Variants in CDH13 observed in about 807,000 individuals in gnomAD.
CDH13 encodes the protein cadherin-13.
Under a neutral mutation model 63.8 loss-of-function variants are expected in CDH13, and 24 were observed. The observed-to-expected ratio is 0.38, with a 90% CI of 0.27 to 0.53. The LOEUF is 0.53. Among genes scored for constraint, CDH13 ranks in the 20% least tolerant of loss-of-function variants. The pLI, the probability that CDH13 is intolerant of heterozygous loss-of-function variation, is 0.85. For synonymous variants in CDH13, 503 were observed against 355.3 expected, an observed-to-expected ratio of 1.42 and a Z score of -4.67; for missense variants, 1,049 against 903.1, an observed-to-expected ratio of 1.16 and a Z score of -2.07.
intron 11 of CDH13, among the ~76,000 whole-genome samples, chr16:83,753,010 A>G (rs145478170): frequency 1.2e-4 from 19 of 152,374 alleles, no homozygotes; most frequent in African/African-American, 4.6e-4. Flanking sequence ...ATGTTTCCAG[A>G]GAGCTAAAAT....
intron 4 of CDH13, among the ~76,000 whole-genome samples, chr16:83,145,447 G>A (rs748875628): frequency 6.6e-6 from 1 of 152,180 alleles, no homozygotes; most frequent in East Asian, 1.9e-4. Context: ...AGTGTTCTTG[G>A]CATGTCATGA....
intron 1 of CDH13, among the ~76,000 whole-genome samples, chr16:82,773,983 C>T (rs770434254): frequency 1.3e-5 from 2 of 152,098 alleles, no homozygotes; most frequent in Admixed American, 1.3e-4. Context: ...CAGGGTTTCA[C>T]TATGTTGGCC....
rs1016793457 is a variant in CDH13 at position 83,607,999 on chromosome 16, A to G, written c.1101+5405A>G. ...TTGAATAAGTCATATTTTCACATAA[A>G]TCTCAGGTCATGGGGATTAATAAAC... On this transcript the variant is annotated intron_variant, in intron 8 of 13. Coordinates refer to ENST00000567109, the MANE Select transcript of CDH13 (RefSeq NM_001257.5). 9.2e-5 allele frequency among the ~76,000 whole-genome samples: 14 copies of G among 152,294 alleles called. No homozygotes were observed. The East Asian group carries it at 2.5e-3, about 27-fold the overall frequency.
chr16:83,227,382 G>A (rs958874394), intron 5 of CDH13, among the ~76,000 whole-genome samples: 12 of 152,322 alleles, frequency 7.9e-5, no homozygotes, highest in Admixed American at 5.9e-4. Flanking sequence ...TGATCAGGGG[G>A]CCCTTGTGAA....
At chr16:83,515,769 C>G (rs1268172643) in intron 7 of CDH13, among the ~76,000 whole-genome samples, 1 of 152,124 alleles carries the variant, frequency 6.6e-6, no homozygotes, top group Non-Finnish European at 1.5e-5. Flanking sequence ...ATTTTTAAAA[C>G]ACACCAAGCA....
chr16:83,445,487 C>G (rs1450802014), intron 6 of CDH13, among the ~76,000 whole-genome samples: 2 of 152,252 alleles, frequency 1.3e-5, no homozygotes, highest in East Asian at 3.9e-4. Flanking sequence ...GCTTTATCAC[C>G]TGGCTGCAGG....
At chr16:83,042,419 T>C (rs2151489922) in intron 3 of CDH13, among the ~76,000 whole-genome samples, 1 of 152,318 alleles carries the variant, frequency 6.6e-6, no homozygotes, top group East Asian at 1.9e-4. Context: ...TAATGCCTGA[T>C]GATCTGTCAC....
chr16:83,168,004 C>T (rs1276808017), intron 4 of CDH13, among the ~76,000 whole-genome samples: 2 of 151,914 alleles, frequency 1.3e-5, no homozygotes, highest in African/African-American at 4.8e-5. Flanking sequence ...ACAGTGAATA[C>T]TCACGGACAT....
chr16:83,562,806 A>T (rs957389056), intron 7 of CDH13, among the ~76,000 whole-genome samples: 1 of 152,216 alleles, frequency 6.6e-6, no homozygotes, highest in African/African-American at 2.4e-5. Flanking sequence ...TATAAAACTA[A>T]TAACAAACTT....
chr16:83,636,245 A>T (rs545843484), intron 8 of CDH13, among the ~76,000 whole-genome samples: 1 of 152,376 alleles, frequency 6.6e-6, no homozygotes, highest in African/African-American at 2.4e-5. Flanking sequence ...CACATCAAGT[A>T]GAATGAGTCC....
intron 3 of CDH13, among the ~76,000 whole-genome samples, chr16:83,037,548 G>A (rs530978563): frequency 6.6e-6 from 1 of 152,294 alleles, no homozygotes; most frequent in African/African-American, 2.4e-5. Flanking sequence ...AGATTGTCTA[G>A]CCTGGAGGAT....
At chr16:83,562,927 C>T (rs1358970409) in intron 7 of CDH13, among the ~76,000 whole-genome samples, 3 of 152,302 alleles carry the variant, frequency 2.0e-5, no homozygotes, top group South Asian at 2.1e-4. Context: ...GGACGAGGAC[C>T]TGGATTTTGT....
intron 2 of CDH13, among the ~76,000 whole-genome samples, chr16:82,942,106 A>C (rs888357191): frequency 3.3e-5 from 5 of 152,164 alleles, no homozygotes; most frequent in African/African-American, 1.2e-4. Context: ...CTGTTTAAGA[A>C]ATATTTGCAT....
intron 2 of CDH13, among the ~76,000 whole-genome samples, chr16:82,925,139 C>T (rs2042265499): frequency 6.6e-6 from 1 of 152,122 alleles, no homozygotes; most frequent in African/African-American, 2.4e-5. Flanking sequence ...AAGGGCAGAG[C>T]CAACCAGAGC....
chr16:83,534,115 A>C (rs555214701), intron 7 of CDH13, among the ~76,000 whole-genome samples: 1 of 152,280 alleles, frequency 6.6e-6, no homozygotes, highest in African/African-American at 2.4e-5. Context: ...CCTGTTAAGT[A>C]GTTGCTCCCC....
At chr16:82,865,386 C>G (rs1351326698) in intron 2 of CDH13, among the ~76,000 whole-genome samples, 1 of 152,232 alleles carries the variant, frequency 6.6e-6, no homozygotes, top group Non-Finnish European at 1.5e-5. Flanking sequence ...GCGTGGACAT[C>G]CAGGTGTTTC....
intron 7 of CDH13, among the ~76,000 whole-genome samples, chr16:83,499,924 T>C (rs1427224405): frequency 6.6e-6 from 1 of 152,150 alleles, no homozygotes; most frequent in East Asian, 1.9e-4. Context: ...TGCTTCAGCC[T>C]CCCAAGTAGC....
At chr16:83,267,019 A>G (rs764830116) in intron 5 of CDH13, among the ~76,000 whole-genome samples, 11 of 152,000 alleles carry the variant, frequency 7.2e-5, no homozygotes, top group Non-Finnish European at 1.6e-4. Flanking sequence ...ATCTACTTAA[A>G]CATCGTCATC....
intron 1 of CDH13, among the ~76,000 whole-genome samples, chr16:82,679,353 G>C (rs1184609663): frequency 6.6e-6 from 1 of 152,188 alleles, no homozygotes; most frequent in East Asian, 1.9e-4. Context: ...TCCATGGCTG[G>C]GGAGCAGGGT....
Sources: allele counts gnomAD v4.1 joint callset (sites outside exome capture counted in the v4.1 genomes callset), GRCh38; gene constraint gnomAD v4.1.1; transcripts MANE v1.5; gene names NCBI Gene and HGNC (gene_info 2026-07-23, HGNC 2026-07-21).